The following PLD5 variants were observed in gnomAD, a reference collection of about 807,000 sequenced individuals.
The protein encoded by PLD5 is phospholipase D family member 5.
Under a neutral mutation model 61.1 loss-of-function variants are expected in PLD5, and 36 were observed. That is an observed-to-expected ratio of 0.59 (90% CI 0.45 to 0.78). The LOEUF (loss-of-function observed/expected upper bound fraction) is 0.78, where lower values mean the gene tolerates loss of function less well. Among genes scored for constraint, PLD5 ranks in the 30% least tolerant of loss-of-function variants. The probability of loss-of-function intolerance (pLI) is 0.00; values close to 1 mark genes in which losing one functional copy is unlikely to be tolerated. For synonymous variants in PLD5, 243 were observed against 242.8 expected, an observed-to-expected ratio of 1.00 and a Z score of -0.01; for missense variants, 515 against 644.4, an observed-to-expected ratio of 0.80 and a Z score of 2.17.
At chr1:242,436,025 A>T (rs907502732) in intron 1 of PLD5, among the ~76,000 whole-genome samples, 2 of 152,168 alleles carry the variant, frequency 1.3e-5, no homozygotes, top group Non-Finnish European at 2.9e-5. Flanking sequence ...AAAACCCATT[A>T]GAGTATCCAA....
chr1:242,416,843 T>C (rs949711596), intron 1 of PLD5, among the ~76,000 whole-genome samples: 17 of 152,206 alleles, frequency 1.1e-4, no homozygotes, highest in African/African-American at 4.1e-4. Flanking sequence ...GTCAGCCTCA[T>C]AAATATGTGC....
intron 1 of PLD5, among the ~76,000 whole-genome samples, chr1:242,430,925 G>A (rs1427124086): frequency 2.4e-4 from 37 of 152,050 alleles, no homozygotes; most frequent in Admixed American, 2.2e-3. Context: ...TGAGCATCTC[G>A]AGTTCTGTCA....
intron 3 of PLD5, among the ~76,000 whole-genome samples, chr1:242,278,008 A>G (rs1044992540): frequency 1.3e-5 from 2 of 152,224 alleles, no homozygotes; most frequent in African/African-American, 4.8e-5. Flanking sequence ...AACAAAACAT[A>G]TAATTCTTTT....
intron 7 of PLD5, 131 bp from the exon 8 acceptor site, chr1:242,107,970 C>G: frequency 1.2e-6 from 1 of 830,756 alleles, no homozygotes. Context: ...GCAACCTCAT[C>G]GGAGAGGCTG....
At chr1:242,414,358 G>GA (rs568810246) in intron 1 of PLD5, among the ~76,000 whole-genome samples, 1 of 152,134 alleles carries the variant, frequency 6.6e-6, no homozygotes, top group East Asian at 1.9e-4. Flanking sequence ...TTACTCCTAT[G>GA]AAAAAGAGTC....
At chr1:242,286,434 G>A (rs903299328) in intron 3 of PLD5, among the ~76,000 whole-genome samples, 19 of 152,154 alleles carry the variant, frequency 1.2e-4, no homozygotes, top group Non-Finnish European at 2.4e-4. Flanking sequence ...ATTCTTCTGA[G>A]AAGCACATCC....
intron 2 of PLD5, among the ~76,000 whole-genome samples, chr1:242,347,874 T>C (rs542328571): frequency 6.6e-6 from 1 of 152,306 alleles, no homozygotes; most frequent in East Asian, 1.9e-4. Context: ...GAAAAATTTT[T>C]TTGTTCCCAC....
intron 5 of PLD5, among the ~76,000 whole-genome samples, chr1:242,144,653 T>C (rs981997452): frequency 6.6e-6 from 1 of 152,126 alleles, no homozygotes; most frequent in African/African-American, 2.4e-5. Context: ...TGGTGGCACG[T>C]GCCTGTGGTC....
At chr1:242,092,517 C>T (rs1399473743) in intron 9 of PLD5, among the ~76,000 whole-genome samples, 1 of 152,184 alleles carries the variant, frequency 6.6e-6, no homozygotes, top group African/African-American at 2.4e-5. Flanking sequence ...TACCACTAGG[C>T]CAGGTCTGAT....
intron 9 of PLD5, among the ~76,000 whole-genome samples, chr1:242,091,887 G>C (rs1476717685): frequency 2.0e-5 from 3 of 149,842 alleles, no homozygotes; most frequent in Non-Finnish European, 4.4e-5. Flanking sequence ...GAATGCGGTG[G>C]TACAATCTTG....
At chr1:242,301,279 G>T (rs773419558) in intron 2 of PLD5, among the ~76,000 whole-genome samples, 52 of 152,140 alleles carry the variant, frequency 3.4e-4, no homozygotes, top group Non-Finnish European at 6.9e-4. Flanking sequence ...TTCCAATTTA[G>T]CCTTTGTCAT....
At chr1:242,318,686 T>C (rs913372702) in intron 2 of PLD5, among the ~76,000 whole-genome samples, 14 of 151,934 alleles carry the variant, frequency 9.2e-5, no homozygotes, top group African/African-American at 3.4e-4. Flanking sequence ...ATGGGGTCTC[T>C]CACTATGTTG....
chr1:242,104,617 T>C (rs1408690696), intron 8 of PLD5, among the ~76,000 whole-genome samples: 1 of 152,230 alleles, frequency 6.6e-6, no homozygotes, highest in East Asian at 1.9e-4. Flanking sequence ...ATTTAATGTA[T>C]GCTTCAGTTC....
rs1336842902 is a variant in PLD5, at chr1:242,085,646, G to T, written c.*4208C>A. ...TTGCCTTTAAAAGGTGTATAATAAA[G>T]CACACCAGTTCATTGGGAACAAGTA... On this transcript the variant is annotated 3_prime_UTR_variant, in exon 10 of 10. Coordinates refer to ENST00000536534, the MANE Select transcript of PLD5 (RefSeq NM_001372062.1). The T allele has an allele frequency of 6.6e-6, 1 of 152,174 alleles. No homozygotes were observed. The highest frequency in any genetic ancestry group is 1.5e-5 in the Non-Finnish European group (1 of 68,036). The allele number at this position is 152,174 out of a possible 1,614,324, so 9.4% of individuals were successfully genotyped here. A position where few individuals can be genotyped will look rare whatever the true frequency, so the allele number is the denominator to read the frequency against.
chr1:242,140,551 C>G (rs375743189), intron 5 of PLD5, among the ~76,000 whole-genome samples: 1 of 152,112 alleles, frequency 6.6e-6, no homozygotes, highest in South Asian at 2.1e-4. Context: ...ATGGGAGGAT[C>G]GCTTTAGCCC....
rs530830018 is a variant in PLD5, at chr1:242,183,756, T to C, written c.735+36232A>G. The stretch of plus-strand genomic sequence containing the variant: ...AAAAATACAAAAAATTAGGCAGGCG[T>C]GGTGGCGGGCCCCTGTAGTCCCAGC... On this transcript the variant is annotated intron_variant, in intron 5 of 9. Transcript: ENST00000536534. 5.9e-3 allele frequency among the ~76,000 whole-genome samples: 886 copies of C among 149,536 alleles called. 9 individuals carry two copies. The highest frequency in any genetic ancestry group is 0.021 in the African/African-American group (847 of 39,828).
rs148895746 is a variant in PLD5 at position 242,448,515 on chromosome 1, T to C, written c.189+75573A>G. Among the ~76,000 whole-genome samples, 532 of 152,346 alleles carry C rather than the reference T, an allele frequency of 3.5e-3. 5 individuals are homozygous for C. The highest frequency in any genetic ancestry group is 0.012 in the African/African-American group (509 of 41,574). The stretch of plus-strand genomic sequence containing the variant: ...TTTATTATCAATGTCCTTTGTCCAT[T>C]AATCCTTTCGAGAAAATGTTTAGTG... On this transcript the variant is annotated intron_variant, in intron 1 of 9. Coordinates refer to ENST00000536534, the MANE Select transcript of PLD5 (RefSeq NM_001372062.1).
At chr1:242,503,370 G>T (rs1419304331) in intron 1 of PLD5, among the ~76,000 whole-genome samples, 2 of 152,188 alleles carry the variant, frequency 1.3e-5, no homozygotes, top group Non-Finnish European at 2.9e-5. Flanking sequence ...CTTCCACCAT[G>T]AGTAAAAGCT....
chr1:242,376,931 G>A (rs1416672725), intron 1 of PLD5: 74 of 1,603,566 alleles, frequency 4.6e-5, no homozygotes, highest in African/African-American at 6.7e-5. Context: ...GCTATTTCTC[G>A]GCTGAGCTCA....
Sources: allele counts gnomAD v4.1 joint callset (sites outside exome capture counted in the v4.1 genomes callset), GRCh38; gene constraint gnomAD v4.1.1; transcripts MANE v1.5; gene names NCBI Gene and HGNC (gene_info 2026-07-23, HGNC 2026-07-21).